GSDME: variants seen among roughly 807,000 people sequenced by gnomAD.
The protein encoded by GSDME is gasdermin E, also known as gasdermin-E.
GSDME carries 44 observed loss-of-function variants against 47.5 expected under a neutral mutation model. That is an observed-to-expected ratio of 0.93 (90% confidence interval 0.73 to 1.19). The LOEUF is 1.19. Ranked by LOEUF, GSDME falls within the 50% of genes most tolerant of loss-of-function variation. The pLI, the probability that GSDME is intolerant of heterozygous loss-of-function variation, is 0.00. For synonymous variants in GSDME, 258 were observed against 252.8 expected (o/e 1.02, Z -0.20); for missense variants, 663 against 604.2 (o/e 1.10, Z -1.02).
the GSDME span, among the ~76,000 whole-genome samples, chr7:24,788,756 C>A: frequency 6.6e-6 from 1 of 152,198 alleles, no homozygotes; most frequent in African/African-American, 2.4e-5. The surrounding 1 kb of genome is among the most constrained non-coding windows in gnomAD (Gnocchi z 4.6). Context: ...TCAGTACCAT[C>A]ATGTTAAAAT....
chr7:24,699,656 A>AAAT (rs1174232129), intron 9 of GSDME, among the ~76,000 whole-genome samples: 1 of 152,092 alleles, frequency 6.6e-6, no homozygotes, highest in Non-Finnish European at 1.5e-5. Context: ...GTCGTTTTTT[A>AAAT]AATTTCCCCA....
At chr7:24,722,778 C>A (rs961428439) in intron 3 of GSDME, among the ~76,000 whole-genome samples, 2 of 152,234 alleles carry the variant, frequency 1.3e-5, no homozygotes, top group African/African-American at 2.4e-5. Flanking sequence ...AGAACCCCCA[C>A]CTCAAACACC....
In GSDME at chr7:24,710,304, C is replaced by T. The variant is rs550014047; in HGVS notation, c.782G>A (p.Arg261Gln). ...DSVYLDPLVF[R>Q]EFAFIDMPDA... is the part of the protein sequence containing the mutation. ...TGGCATGTCTATGAATGCAAACTCTCGAAAGACCAGGGGGTCCAGGTAGAC... is the reference window on the plus strand; with the variant it reads ...TGGCATGTCTATGAATGCAAACTCTTGAAAGACCAGGGGGTCCAGGTAGAC... The change falls in exon 6 of 10, where the codon CGA (arginine) becomes CAA (glutamine). Residue 261 changes from arginine (R) to glutamine (Q), a missense_variant. Coordinates refer to ENST00000645220, the MANE Select transcript of GSDME (RefSeq NM_001127453.2). 3.3e-5 allele frequency: 53 copies of T among 1,614,094 alleles called. No homozygotes were observed. Among genetic ancestry groups the T allele is most frequent in the South Asian group, 4.4e-5 (4 of 91,090 alleles).
At chr7:24,707,144 A>AG (rs1789144171) in intron 7 of GSDME, 2 of 365,508 alleles carry the variant, frequency 5.5e-6, no homozygotes, top group Non-Finnish European at 1.1e-5. Context: ...ACTGATACCC[A>AG]GGCTCTTTCG....
intron 9 of GSDME, among the ~76,000 whole-genome samples, chr7:24,702,236 G>A (rs1348454483): frequency 2.0e-5 from 3 of 152,190 alleles, no homozygotes; most frequent in Non-Finnish European, 4.4e-5. Flanking sequence ...CTAGGGCTAA[G>A]CTCATCATTA....
the GSDME span, among the ~76,000 whole-genome samples, chr7:24,790,081 C>T: frequency 6.6e-6 from 1 of 152,226 alleles, no homozygotes; most frequent in African/African-American, 2.4e-5. The surrounding 1 kb of genome is among the most constrained non-coding windows in gnomAD (Gnocchi z 4.1). Context: ...ATATCTCTAA[C>T]TATGTCTTCA....
intron 2 of GSDME, among the ~76,000 whole-genome samples, chr7:24,746,327 C>A (rs573800638): frequency 6.6e-6 from 1 of 152,258 alleles, no homozygotes; most frequent in South Asian, 2.1e-4. Flanking sequence ...AGGATTCTAT[C>A]CCTACTCTAA....
intron 2 of GSDME, among the ~76,000 whole-genome samples, chr7:24,748,547 G>A (rs532492538): frequency 2.0e-5 from 3 of 152,164 alleles, no homozygotes; most frequent in Non-Finnish European, 4.4e-5. Context: ...AACACATGAT[G>A]GTAGAATTTT....
the GSDME span, among the ~76,000 whole-genome samples, chr7:24,788,305 G>A: frequency 6.6e-6 from 1 of 152,190 alleles, no homozygotes; most frequent in Non-Finnish European, 1.5e-5. This position sits in a 1 kb window ranked among gnomAD's most constrained non-coding sequence, Gnocchi z 4.6. Context: ...AGGAGACAGG[G>A]CCTGGGATAG....
rs1234094598 is a variant in GSDME at position 24,742,084 on chromosome 7, T to A, written c.404+2478A>T. On this transcript the variant is annotated intron_variant, in intron 3 of 9. Transcript: ENST00000645220. The surrounding 1 kb of genome is among the most constrained non-coding windows in gnomAD (Gnocchi z 4.4). ...GGACTCCCGAGTCCAAGTGATCTCA[T>A]CCCTGTGTCCAGGCACCTCCAGGAG... 1.3e-5 allele frequency among the ~76,000 whole-genome samples: 2 copies of A among 152,192 alleles called. No individual in the cohort carries two copies. Among genetic ancestry groups the A allele is most frequent in the Non-Finnish European group, 2.9e-5 (2 of 68,032 alleles).
chr7:24,706,995 T>C (rs537848359), intron 7 of GSDME, among the ~76,000 whole-genome samples: 2 of 152,230 alleles, frequency 1.3e-5, no homozygotes, highest in Non-Finnish European at 2.9e-5. Flanking sequence ...GGCCTGACAT[T>C]TTCCTCTTGG....
At position 24,749,725 on chromosome 7, in the gene GSDME, C is replaced by T; in HGVS notation, c.50G>A (p.Gly17Asp). ...RNFLREVDAD[G>D]DLIAVSNLND... Reference sequence around the variant, plus strand: ...CAGATTTGATACTGCAATCAGGTCACCATCAGCATCAACTTCTCTAAGAAA... The same window carrying T: ...CAGATTTGATACTGCAATCAGGTCATCATCAGCATCAACTTCTCTAAGAAA... Residue 17 changes from glycine (G) to aspartate (D), a missense_variant, in exon 2 of 10, where the codon GGT (glycine) becomes GAT (aspartate). Transcript: ENST00000645220. 3.1e-6 allele frequency: 5 copies of T among 1,614,138 alleles called. No homozygotes were observed. The highest frequency in any genetic ancestry group is 4.2e-6 in the Non-Finnish European group (5 of 1,180,020).
Position 24,726,635 on chromosome 7 carries a change from A to T in GSDME, c.405-7417T>A, listed in dbSNP as rs1276438197. 6.6e-6 allele frequency among the ~76,000 whole-genome samples: 1 copy of T among 152,126 alleles called. No individual in the cohort carries two copies. Among genetic ancestry groups the T allele is most frequent in the Non-Finnish European group, 1.5e-5 (1 of 68,002 alleles). On this transcript the variant is annotated intron_variant, in intron 3 of 9. Transcript: ENST00000645220. This position sits in a 1 kb window ranked among gnomAD's most constrained non-coding sequence, Gnocchi z 5.6. ...TCAGGAGATCGAGACCATCCTGGTTAATATGGTGAAACCCCGTCTCTACTA... is the reference window on the plus strand; with the variant it reads ...TCAGGAGATCGAGACCATCCTGGTTTATATGGTGAAACCCCGTCTCTACTA...
At chr7:24,741,680 G>A (rs952982755) in intron 3 of GSDME, among the ~76,000 whole-genome samples, 2 of 152,092 alleles carry the variant, frequency 1.3e-5, no homozygotes, top group African/African-American at 2.4e-5. Flanking sequence ...ATAAGCCCTC[G>A]GGAATGTACA....
At chr7:24,734,351 G>T (rs1261425872) in intron 3 of GSDME, among the ~76,000 whole-genome samples, 1 of 152,352 alleles carries the variant, frequency 6.6e-6, no homozygotes, top group Non-Finnish European at 1.5e-5. Context: ...TGCAAAGGCT[G>T]CAATAAATAC....
At chr7:24,709,512 T>C (rs559791485) in intron 6 of GSDME, among the ~76,000 whole-genome samples, 15 of 152,330 alleles carry the variant, frequency 9.8e-5, no homozygotes, top group African/African-American at 3.6e-4. Context: ...TCCACAGATG[T>C]AGTCACCAGG....
the GSDME span, among the ~76,000 whole-genome samples, chr7:24,774,241 C>A: frequency 2.1e-4 from 9 of 43,712 alleles, no homozygotes; most frequent in African/African-American, 5.0e-4. Flanking sequence ...GGTCTGTCTT[C>A]CCTCTCCCTC....
intron 9 of GSDME, among the ~76,000 whole-genome samples, chr7:24,701,247 A>AGAT (rs1333899629): frequency 6.6e-6 from 1 of 152,274 alleles, no homozygotes; most frequent in Non-Finnish European, 1.5e-5. Flanking sequence ...AGGTATGTGA[A>AGAT]GATACCCAGG....
chr7:24,765,095 T>G, the GSDME span, among the ~76,000 whole-genome samples: 1 of 152,152 alleles, frequency 6.6e-6, no homozygotes, highest in African/African-American at 2.4e-5. Context: ...GTTCCCCAAA[T>G]CCATTTCTCA....
Sources: gnomAD v4.1 joint callset for allele counts (sites outside exome capture counted in the v4.1 genomes callset) on GRCh38, gnomAD v4.1.1 for gene constraint, Gnocchi (gnomAD v3.1) non-coding constraint, MANE v1.5 for transcripts, NCBI Gene and HGNC (gene_info 2026-07-23, HGNC 2026-07-21) for gene names.